NKAIN2: variants seen among roughly 807,000 people sequenced by gnomAD.
NKAIN2 encodes sodium/potassium-transporting ATPase subunit beta-1-interacting protein 2.
NKAIN2 carries 14 observed loss-of-function variants against 32.6 expected under a neutral mutation model. That is an observed-to-expected ratio of 0.43 (90% CI 0.28 to 0.67). NKAIN2 has a LOEUF of 0.67. NKAIN2 is among the 30% of genes least tolerant of loss of function. The pLI is 0.17. For missense variants in NKAIN2, 198 were observed against 258.3 expected (o/e 0.77, Z 1.60); for synonymous variants, 80 against 87.2 (o/e 0.92, Z 0.46).
At chr6:124,048,469 C>T (rs1782248904) in intron 1 of NKAIN2, among the ~76,000 whole-genome samples, 1 of 151,916 alleles carries the variant, frequency 6.6e-6, no homozygotes. Context: ...GATTTTATAT[C>T]GCTGATATTA....
chr6:124,038,673 G>T (rs749293716), intron 1 of NKAIN2, among the ~76,000 whole-genome samples: 1 of 152,054 alleles, frequency 6.6e-6, no homozygotes, highest in East Asian at 1.9e-4. Flanking sequence ...CACCTACTCC[G>T]AATTTAGCTT....
At chr6:124,166,951 T>C (rs1788579843) in intron 1 of NKAIN2, among the ~76,000 whole-genome samples, 1 of 150,774 alleles carries the variant, frequency 6.6e-6, no homozygotes, top group Non-Finnish European at 1.5e-5. Context: ...TCAGGTAGCG[T>C]GATGCCTCCA....
intron 4 of NKAIN2, among the ~76,000 whole-genome samples, chr6:124,763,779 G>A (rs1345462056): frequency 6.6e-6 from 1 of 152,116 alleles, no homozygotes; most frequent in South Asian, 2.1e-4. Flanking sequence ...AAAACATGGT[G>A]TTTTAAACAA....
intron 1 of NKAIN2, among the ~76,000 whole-genome samples, chr6:123,862,525 G>A (rs1775823180): frequency 6.6e-6 from 1 of 152,112 alleles, no homozygotes; most frequent in African/African-American, 2.4e-5. Flanking sequence ...CCCTTTTGCT[G>A]ATTGAACTCA....
At chr6:124,768,423 C>CATCAATCTA (rs1304595875) in intron 4 of NKAIN2, among the ~76,000 whole-genome samples, 4 of 152,266 alleles carry the variant, frequency 2.6e-5, no homozygotes, top group Admixed American at 2.0e-4. Context: ...TACAGCAAAA[C>CATCAATCTA]ATCAATCTAA....
chr6:124,819,449 T>C (rs1000379722), intron 6 of NKAIN2, among the ~76,000 whole-genome samples: 2 of 152,186 alleles, frequency 1.3e-5, no homozygotes, highest in African/African-American at 4.8e-5. Flanking sequence ...ATAGCACCCA[T>C]AAAACAGACT....
chr6:124,564,758 A>G (rs1366430952), intron 3 of NKAIN2, among the ~76,000 whole-genome samples: 1 of 152,210 alleles, frequency 6.6e-6, no homozygotes, highest in Admixed American at 6.5e-5. Context: ...AAGTTGATTA[A>G]ATTCCTATAA....
chr6:124,539,590 A>G (rs544099797), intron 3 of NKAIN2, among the ~76,000 whole-genome samples: 20 of 152,346 alleles, frequency 1.3e-4, no homozygotes, highest in African/African-American at 4.8e-4. Flanking sequence ...AGTAAGAAGA[A>G]TTTTATTACA....
At chr6:123,952,583 A>G (rs938306530) in intron 1 of NKAIN2, among the ~76,000 whole-genome samples, 3 of 152,118 alleles carry the variant, frequency 2.0e-5, no homozygotes, top group African/African-American at 4.8e-5. Context: ...TTTTTAAAAC[A>G]TTCTTTTTAA....
At position 124,421,940 on chromosome 6, in the gene NKAIN2, A is replaced by G. The variant is rs556846521; in HGVS notation, c.273+66593A>G. ...TTCTCAATTGCCTTCTGTTCAAAAT[A>G]GTTAATTTGCCAAAGTGGCGTATTT... On this transcript the variant is annotated intron_variant, in intron 3 of 6. Transcript: ENST00000368417. 7.0e-4 allele frequency among the ~76,000 whole-genome samples: 107 copies of G among 152,276 alleles called. 1 individual carries two copies. Among genetic ancestry groups the G allele is most frequent in the African/African-American group, 2.6e-3 (107 of 41,568 alleles).
intron 3 of NKAIN2, among the ~76,000 whole-genome samples, chr6:124,583,782 C>T (rs181285189): frequency 6.6e-6 from 1 of 152,258 alleles, no homozygotes; most frequent in African/African-American, 2.4e-5. Flanking sequence ...ATAGCACTGG[C>T]ATGAAAACAG....
At chr6:124,333,275 A>G (rs913207079) in intron 2 of NKAIN2, among the ~76,000 whole-genome samples, 23 of 152,162 alleles carry the variant, frequency 1.5e-4, no homozygotes, top group African/African-American at 4.8e-4. Flanking sequence ...ACAAAGTACC[A>G]CAAACCCAGA....
At chr6:124,318,891 T>A (rs1317461772) in intron 2 of NKAIN2, among the ~76,000 whole-genome samples, 1 of 152,106 alleles carries the variant, frequency 6.6e-6, no homozygotes, top group Non-Finnish European at 1.5e-5. Context: ...CAAGTCTGGG[T>A]GTTATGCTTA....
At chr6:123,997,597 C>CTT (rs545393601) in intron 1 of NKAIN2, among the ~76,000 whole-genome samples, 770 of 98,200 alleles carry the variant, frequency 7.8e-3, no homozygotes, top group Middle Eastern at 0.015. Context: ...GGAGTTTATT[C>CTT]TTTTTTTTTT....
chr6:124,032,667 T>C (rs977750977), intron 1 of NKAIN2, among the ~76,000 whole-genome samples: 1 of 152,092 alleles, frequency 6.6e-6, no homozygotes, highest in Non-Finnish European at 1.5e-5. Context: ...CAAAGCAATA[T>C]GAAAATGATC....
intron 3 of NKAIN2, among the ~76,000 whole-genome samples, chr6:124,541,953 T>A (rs1779927621): frequency 6.6e-6 from 1 of 152,162 alleles, no homozygotes; most frequent in Non-Finnish European, 1.5e-5. Flanking sequence ...CTATTTTTAT[T>A]GGTGTAACCA....
intron 4 of NKAIN2, among the ~76,000 whole-genome samples, chr6:124,682,273 A>G (rs1265948733): frequency 6.6e-6 from 1 of 152,146 alleles, no homozygotes; most frequent in Non-Finnish European, 1.5e-5. Flanking sequence ...CCAAATTTTA[A>G]TGACTAGTTC....
intron 1 of NKAIN2, among the ~76,000 whole-genome samples, chr6:124,039,702 G>A (rs1466797621): frequency 6.6e-6 from 1 of 151,694 alleles, no homozygotes; most frequent in Non-Finnish European, 1.5e-5. Flanking sequence ...TTTGCCCTTT[G>A]CTGGTATTAT....
intron 3 of NKAIN2, among the ~76,000 whole-genome samples, chr6:124,384,199 A>G (rs1772782537): frequency 6.6e-6 from 1 of 152,176 alleles, no homozygotes; most frequent in Non-Finnish European, 1.5e-5. Context: ...AAGATTCATG[A>G]GAACAGTGAA....
Sources: gnomAD v4.1 joint callset for allele counts (sites outside exome capture counted in the v4.1 genomes callset) on GRCh38, gnomAD v4.1.1 for gene constraint, MANE v1.5 for transcripts, NCBI Gene and HGNC (gene_info 2026-07-23, HGNC 2026-07-21) for gene names.